The following ARHGEF33 variants were observed in gnomAD, a reference collection of about 807,000 sequenced individuals.
ARHGEF33 encodes the protein DH and coiled-coil domain-containing protein ENSP00000381780.
Under a neutral mutation model 101.9 loss-of-function variants are expected in ARHGEF33, and 72 were observed. The ratio of observed to expected loss-of-function variants is 0.71; its 90% CI spans 0.58 to 0.86. The LOEUF (loss-of-function observed/expected upper bound fraction) is 0.86. Ranked by LOEUF, ARHGEF33 falls within the 40% of genes least tolerant of loss-of-function variation. ARHGEF33 has a pLI of 0.00. For synonymous variants in ARHGEF33, 499 were observed against 442.5 expected (o/e 1.13, Z -1.60); for missense variants, 1,169 against 1,111.3 (o/e 1.05, Z -0.74).
At chr2:38,957,312 T>G (rs1159662040) in intron 14 of ARHGEF33, among the ~76,000 whole-genome samples, 2 of 152,198 alleles carry the variant, frequency 1.3e-5, no homozygotes, top group Non-Finnish European at 2.9e-5. Context: ...ACCTCAAAAA[T>G]AGTTCAACTG....
chr2:38,962,002 A>C (rs1667953956), intron 16 of ARHGEF33, among the ~76,000 whole-genome samples: 1 of 152,130 alleles, frequency 6.6e-6, no homozygotes, highest in South Asian at 2.1e-4. Flanking sequence ...AGAGCCTTGG[A>C]GCTTGCTGCC....
chr2:38,893,215 T>A (rs1470475676), intron 1 of ARHGEF33, among the ~76,000 whole-genome samples: 1 of 150,528 alleles, frequency 6.6e-6, no homozygotes, highest in East Asian at 2.0e-4. Context: ...CAGGGTGGAG[T>A]GCAGTGGCAC....
intron 10 of ARHGEF33, among the ~76,000 whole-genome samples, chr2:38,947,331 C>T (rs1667476546): frequency 6.6e-6 from 1 of 152,180 alleles, no homozygotes; most frequent in African/African-American, 2.4e-5. Flanking sequence ...CTGGAAGTTG[C>T]AGGGGCACAT....
intron 1 of ARHGEF33, among the ~76,000 whole-genome samples, chr2:38,894,324 C>G (rs1286196925): frequency 7.2e-6 from 1 of 138,444 alleles, no homozygotes; most frequent in Non-Finnish European, 1.6e-5. Context: ...AGAGAGAAAA[C>G]CTGCCTTTAA....
intron 2 of ARHGEF33, among the ~76,000 whole-genome samples, chr2:38,902,539 C>G (rs117546975): frequency 1.1e-4 from 17 of 152,302 alleles, no homozygotes; most frequent in Middle Eastern, 6.8e-3. Context: ...GCTGGCTGAT[C>G]TCTGTATAAT....
chr2:38,966,425 T>A (rs1250851049), intron 17 of ARHGEF33, among the ~76,000 whole-genome samples: 1 of 152,202 alleles, frequency 6.6e-6, no homozygotes, highest in African/African-American at 2.4e-5. Flanking sequence ...GCAGAGGTGG[T>A]TCCCTTGAGA....
chr2:38,962,919 G>C (rs187195752), intron 16 of ARHGEF33, among the ~76,000 whole-genome samples: 65 of 150,272 alleles, frequency 4.3e-4, no homozygotes, highest in South Asian at 1.1e-3. Flanking sequence ...AGCTACTCAG[G>C]AGGCTGAGGC....
At chr2:38,937,625 A>G (rs1176494519) in intron 9 of ARHGEF33, 66 bp downstream of exon 9, 2 of 955,494 alleles carry the variant, frequency 2.1e-6, no homozygotes, top group Non-Finnish European at 3.2e-6. Context: ...CTTTGAACTC[A>G]AAGGCGAGAA....
intron 10 of ARHGEF33, among the ~76,000 whole-genome samples, chr2:38,949,408 T>C (rs1667535710): frequency 6.6e-6 from 1 of 152,152 alleles, no homozygotes; most frequent in Non-Finnish European, 1.5e-5. Context: ...TTTATTTTTT[T>C]CTTCCTCTTT....
At chr2:38,939,132 C>T (rs975016700) in intron 9 of ARHGEF33, among the ~76,000 whole-genome samples, 2 of 152,142 alleles carry the variant, frequency 1.3e-5, no homozygotes, top group Non-Finnish European at 2.9e-5. Flanking sequence ...ACCACCACGT[C>T]TGGCTAATTT....
chr2:38,938,775 C>A (rs1667222769), intron 9 of ARHGEF33, among the ~76,000 whole-genome samples: 1 of 152,156 alleles, frequency 6.6e-6, no homozygotes, highest in African/African-American at 2.4e-5. Flanking sequence ...ATTATGACTT[C>A]TATACCACAA....
At chr2:38,897,897 A>T (rs1400663072) in intron 2 of ARHGEF33, among the ~76,000 whole-genome samples, 1 of 152,180 alleles carries the variant, frequency 6.6e-6, no homozygotes, top group African/African-American at 2.4e-5. Context: ...GCTAGAATGG[A>T]TGGGGAACCA....
chr2:38,933,204 G>A (rs1215661459), intron 7 of ARHGEF33, among the ~76,000 whole-genome samples: 3 of 152,124 alleles, frequency 2.0e-5, no homozygotes, highest in Non-Finnish European at 4.4e-5. Flanking sequence ...CATCTCAGGT[G>A]AAGGCTCTAC....
In ARHGEF33 at chr2:38,927,619, C is replaced by G. The variant is rs907971917; in HGVS notation, c.76-1288C>G. ...GCTGAGGCAGGAGAATCACTTGAACCCAGAAGGTAGAGGTTGCAGTGAGCC... is the reference window on the plus strand; with the variant it reads ...GCTGAGGCAGGAGAATCACTTGAACGCAGAAGGTAGAGGTTGCAGTGAGCC... On this transcript the variant is annotated intron_variant, in intron 4 of 17. Transcript: ENST00000409978. 3.9e-5 allele frequency among the ~76,000 whole-genome samples: 6 copies of G among 152,170 alleles called. 1 individual carries two copies. In the South Asian group the frequency reaches 6.2e-4, roughly 16 times the overall value.
At chr2:38,928,870 T>TC (rs1666931290) in intron 4 of ARHGEF33, 37 bp from the exon 5 acceptor site, 1 of 1,522,370 alleles carries the variant, frequency 6.6e-7, no homozygotes, top group African/African-American at 1.4e-5. Flanking sequence ...TACAGTAATT[T>TC]CCAGCAAATT....
At chr2:38,927,640 G>C (rs974362824) in intron 4 of ARHGEF33, among the ~76,000 whole-genome samples, 9 of 152,216 alleles carry the variant, frequency 5.9e-5, no homozygotes, top group Non-Finnish European at 1.2e-4. Flanking sequence ...AGGTTGCAGT[G>C]AGCCAAGATC....
At chr2:38,965,921 A>G in intron 16 of ARHGEF33, 85 bp from the exon 17 acceptor site, 1 of 1,491,964 alleles carries the variant, frequency 6.7e-7, no homozygotes. Context: ...GAGGAAAGTC[A>G]CAACACCACA....
intron 4 of ARHGEF33, among the ~76,000 whole-genome samples, chr2:38,927,897 A>G (rs1242454359): frequency 6.6e-6 from 1 of 152,208 alleles, no homozygotes; most frequent in Non-Finnish European, 1.5e-5. Flanking sequence ...TCATTTGTTC[A>G]ATAAATACAA....
At chr2:38,915,141 T>C (rs951725518) in intron 2 of ARHGEF33, among the ~76,000 whole-genome samples, 3 of 151,222 alleles carry the variant, frequency 2.0e-5, no homozygotes, top group Non-Finnish European at 3.0e-5. Context: ...CATGAGCCAC[T>C]GCACCCAGCC....
Sources: gnomAD v4.1 joint callset for allele counts (sites outside exome capture counted in the v4.1 genomes callset) on GRCh38, gnomAD v4.1.1 for gene constraint, MANE v1.5 for transcripts, NCBI Gene and HGNC (gene_info 2026-07-23, HGNC 2026-07-21) for gene names.